The following EYA1 variants were observed in gnomAD, a reference collection of about 807,000 sequenced individuals.
The protein encoded by EYA1 is EYA transcriptional coactivator and phosphatase 1.
EYA1 carries 16 observed loss-of-function variants against 82.0 expected under a neutral mutation model. That is an observed-to-expected ratio of 0.20 (90% CI 0.13 to 0.30). The LOEUF is 0.30. EYA1 is among the 10% of genes least tolerant of loss of function. The pLI is 1.00. For missense variants in EYA1, 633 were observed against 730.7 expected (o/e 0.87, Z 1.54); for synonymous variants, 261 against 264.4 (o/e 0.99, Z 0.12).
At chr8:71,419,582 G>A (rs558133810) in intron 2 of EYA1, among the ~76,000 whole-genome samples, 1 of 152,208 alleles carries the variant, frequency 6.6e-6, no homozygotes, top group Non-Finnish European at 1.5e-5. Flanking sequence ...AACCAGATTA[G>A]CTATGGGTTC....
chr8:71,362,787 T>TA (rs35201609), upstream of EYA1, among the ~76,000 whole-genome samples: 1,644 of 151,854 alleles, frequency 0.011, 30 homozygotes, highest in African/African-American at 0.036. Context: ...CTTATTCTTT[T>TA]AAAAAAAAAT....
At chr8:71,517,403 C>T (rs1586870306) in intron 2 of EYA1, among the ~76,000 whole-genome samples, 1 of 151,318 alleles carries the variant, frequency 6.6e-6, no homozygotes, top group South Asian at 2.1e-4. Context: ...TGCATCCTGC[C>T]CTCACTAAGC....
At position 71,199,283 on chromosome 8, in the gene EYA1, T is replaced by C; in HGVS notation, c.*57A>G. On this transcript the variant is annotated 3_prime_UTR_variant, in exon 18 of 18. Transcript: ENST00000340726. ...CCGGCGCTGATGCGAGACTGGGGCC[T>C]GCTGGATCTGTCCCTGGTCACAGAG... is the stretch of plus-strand genomic sequence containing the variant. 7.6e-7 allele frequency: 1 copy of C among 1,308,438 alleles called. No individual in the cohort carries two copies. Among genetic ancestry groups the C allele is most frequent in the Non-Finnish European group, 1.1e-6 (1 of 919,284 alleles). 81.1% of individuals were successfully genotyped at this position (1,308,438 alleles called of 1,614,324 possible).
chr8:71,483,707 T>C (rs997173197), intron 2 of EYA1, among the ~76,000 whole-genome samples: 2 of 151,856 alleles, frequency 1.3e-5, no homozygotes, highest in Admixed American at 6.6e-5. Context: ...TATGCAAACA[T>C]ACAGAATAGA....
chr8:71,215,871 A>C lies in EYA1; in HGVS notation c.1361-143T>G, dbSNP rs3735936. 1.7e-3 allele frequency: 1,190 copies of C among 709,040 alleles called. 22 individuals carry two copies. The East Asian group carries it at 0.029, about 18-fold the overall frequency. 43.9% of individuals were successfully genotyped at this position (709,040 alleles called of 1,614,324 possible). ...AAGTATCTTTCACATAGTACCATTC[A>C]TTTGACAAGTATTTATTTGGTTTGG... On this transcript the variant is annotated intron_variant, in intron 14 of 17. Transcript: ENST00000340726.
chr8:71,438,054 T>G (rs886348624), intron 2 of EYA1, among the ~76,000 whole-genome samples: 6 of 152,136 alleles, frequency 3.9e-5, no homozygotes, highest in Admixed American at 6.5e-5. Flanking sequence ...CAGAAACCAC[T>G]GAAAACTACT....
chr8:71,491,730 C>T (rs1014027669), intron 2 of EYA1, among the ~76,000 whole-genome samples: 1 of 152,162 alleles, frequency 6.6e-6, no homozygotes, highest in South Asian at 2.1e-4. Flanking sequence ...AGCAAGTTAA[C>T]ACACAGGAAT....
intron 17 of EYA1, among the ~76,000 whole-genome samples, chr8:71,200,355 GGTTTTT>G (rs1424845524): frequency 7.2e-5 from 11 of 152,070 alleles, no homozygotes; most frequent in Admixed American, 5.9e-4. Flanking sequence ...GAGAAATGAG[GGTTTTT>G]GTTTTTGTTT....
chr8:71,503,147 C>T (rs1371805942), intron 2 of EYA1, among the ~76,000 whole-genome samples: 1 of 152,058 alleles, frequency 6.6e-6, no homozygotes, highest in African/African-American at 2.4e-5. Context: ...TCACTAAATA[C>T]TTAATAAAGC....
chr8:71,262,124 G>T (rs1165079803), intron 11 of EYA1, among the ~76,000 whole-genome samples: 1 of 152,140 alleles, frequency 6.6e-6, no homozygotes, highest in African/African-American at 2.4e-5. Flanking sequence ...CTGCCTTTTG[G>T]ACAGATAATT....
chr8:71,516,005 A>G (rs780546821), intron 2 of EYA1, among the ~76,000 whole-genome samples: 1 of 152,174 alleles, frequency 6.6e-6, no homozygotes, highest in Non-Finnish European at 1.5e-5. Flanking sequence ...GGATTAACAG[A>G]TATGTAAACA....
intron 2 of EYA1, chr8:71,404,837 G>A (rs549505050): frequency 6.5e-4 from 93 of 143,272 alleles, no homozygotes; most frequent in African/African-American, 2.5e-3. Context: ...AGAACGGCGC[G>A]AACCCGGGAG....
chr8:71,457,465 T>C (rs1586756183), intron 2 of EYA1, among the ~76,000 whole-genome samples: 1 of 152,184 alleles, frequency 6.6e-6, no homozygotes, highest in African/African-American at 2.4e-5. Context: ...TGCGCACGTA[T>C]GTTTATTGTG....
chr8:71,272,068 A>G (rs1029218731), intron 9 of EYA1, among the ~76,000 whole-genome samples, 171 bp from the exon 10 acceptor site: 1 of 152,222 alleles, frequency 6.6e-6, no homozygotes, highest in Non-Finnish European at 1.5e-5. Context: ...ATATCTGATT[A>G]CAAGATTTGT....
At chr8:71,248,321 A>T (rs1161749380) in intron 11 of EYA1, among the ~76,000 whole-genome samples, 1 of 152,360 alleles carries the variant, frequency 6.6e-6, no homozygotes, top group South Asian at 2.1e-4. Flanking sequence ...GTTCTAGTTG[A>T]GAGCAGTATT....
At chr8:71,541,134 G>A (rs1323040008) in intron 1 of EYA1, among the ~76,000 whole-genome samples, 1 of 152,190 alleles carries the variant, frequency 6.6e-6, no homozygotes, top group African/African-American at 2.4e-5. Context: ...GAGATTGGGT[G>A]TACTCAGATG....
At chr8:71,456,336 G>A (rs1807907549) in intron 2 of EYA1, among the ~76,000 whole-genome samples, 1 of 152,184 alleles carries the variant, frequency 6.6e-6, no homozygotes, top group African/African-American at 2.4e-5. Flanking sequence ...TACTGCCAAG[G>A]TAATTTATAG....
At chr8:71,276,462 T>C (rs1436961618) in intron 9 of EYA1, among the ~76,000 whole-genome samples, 1 of 152,212 alleles carries the variant, frequency 6.6e-6, no homozygotes, top group Non-Finnish European at 1.5e-5. Context: ...GACACCATAA[T>C]TAAACTTGTA....
intron 12 of EYA1, among the ~76,000 whole-genome samples, chr8:71,234,268 T>A (rs1811567133): frequency 1.3e-5 from 2 of 152,180 alleles, no homozygotes; most frequent in African/African-American, 2.4e-5. Flanking sequence ...ATCTTTTATT[T>A]AAAAATGAAA....
Sources: gnomAD v4.1 joint callset for allele counts (sites outside exome capture counted in the v4.1 genomes callset) on GRCh38, gnomAD v4.1.1 for gene constraint, MANE v1.5 for transcripts, NCBI Gene and HGNC (gene_info 2026-07-23, HGNC 2026-07-21) for gene names.